The following PLD5 variants were observed in gnomAD, a reference collection of about 807,000 sequenced individuals.
The protein encoded by PLD5 is inactive phospholipase D5.
A neutral mutation model predicts 61.1 loss-of-function variants in PLD5; 36 were observed. The observed-to-expected ratio is 0.59, with a 90% CI of 0.45 to 0.78. The LOEUF is 0.78. PLD5 is among the 30% of genes least tolerant of loss of function. The pLI, the probability that PLD5 is intolerant of heterozygous loss-of-function variation, is 0.00. For missense variants in PLD5, 515 were observed against 644.4 expected, an observed-to-expected ratio of 0.80 and a Z score of 2.17; for synonymous variants, 243 against 242.8, an observed-to-expected ratio of 1.00 and a Z score of -0.01.
chr1:242,522,320 G>C (rs902760842), intron 1 of PLD5, among the ~76,000 whole-genome samples: 1 of 152,124 alleles, frequency 6.6e-6, no homozygotes, highest in Non-Finnish European at 1.5e-5. Flanking sequence ...CCTTTCCCTG[G>C]TCTCCAATCC....
chr1:242,524,450 C>T lies in PLD5; in HGVS notation c.-174G>A. The stretch of plus-strand genomic sequence containing the variant: ...GGGAGCGCGGGGTGCTGAGCGCCAG[C>T]TGGGAGCGCGGCCGGGCGGGAGGGG... On this transcript the variant is annotated 5_prime_UTR_variant, in exon 1 of 10. Coordinates refer to ENST00000536534, the MANE Select transcript of PLD5 (RefSeq NM_001372062.1). 1 of 496,174 alleles carries T rather than the reference C, an allele frequency of 2.0e-6. No individual in the cohort carries two copies. 30.7% of individuals were successfully genotyped at this position (496,174 alleles called of 1,614,324 possible). A position where few individuals can be genotyped will look rare whatever the true frequency, so the allele number is the denominator to read the frequency against.
At chr1:242,479,564 A>G (rs1323164001) in intron 1 of PLD5, among the ~76,000 whole-genome samples, 5 of 152,242 alleles carry the variant, frequency 3.3e-5, no homozygotes, top group Non-Finnish European at 7.3e-5. Context: ...GACATACTAT[A>G]TGGAGAGCAG....
At chr1:242,269,847 TA>T (rs71010420) in intron 3 of PLD5, among the ~76,000 whole-genome samples, 7 of 151,384 alleles carry the variant, frequency 4.6e-5, no homozygotes, top group South Asian at 2.1e-4. Flanking sequence ...AGAGAAAGGT[TA>T]AAAAAAAACT....
At chr1:242,295,786 C>A (rs1167817662) in intron 2 of PLD5, among the ~76,000 whole-genome samples, 1 of 152,220 alleles carries the variant, frequency 6.6e-6, no homozygotes, top group South Asian at 2.1e-4. Context: ...CTTTTCTCTA[C>A]ATCCATGCCA....
At chr1:242,141,301 G>T (rs939808893) in intron 5 of PLD5, among the ~76,000 whole-genome samples, 2 of 152,054 alleles carry the variant, frequency 1.3e-5, no homozygotes, top group Admixed American at 6.5e-5. Context: ...GCAACCACCC[G>T]CTGTAAAATG....
At chr1:242,102,336 C>T (rs1297466890) in intron 8 of PLD5, among the ~76,000 whole-genome samples, 8 of 152,262 alleles carry the variant, frequency 5.3e-5, no homozygotes, top group Middle Eastern at 3.4e-3. Flanking sequence ...AAGTCAAAGA[C>T]GGCCCTTAAG....
chr1:242,228,222 G>A (rs1357251490), intron 4 of PLD5, among the ~76,000 whole-genome samples: 1 of 152,150 alleles, frequency 6.6e-6, no homozygotes, highest in African/African-American at 2.4e-5. Flanking sequence ...ACCTACTCTT[G>A]AATTGATATA....
intron 5 of PLD5, among the ~76,000 whole-genome samples, chr1:242,171,357 G>A (rs1197320627): frequency 6.6e-6 from 1 of 152,132 alleles, no homozygotes; most frequent in Non-Finnish European, 1.5e-5. Context: ...TCACCACCAG[G>A]CCTGCCTTAC....
At chr1:242,529,778 T>TCTTCCCTCCTTC in the PLD5 span, among the ~76,000 whole-genome samples, 1 of 129,792 alleles carries the variant, frequency 7.7e-6, no homozygotes, top group African/African-American at 3.0e-5. Flanking sequence ...GGCACTGGGA[T>TCTTCCCTCCTTC]CTTCCTTCCT....
rs1016272874 is a variant in PLD5 at position 242,087,694 on chromosome 1, C to T, written c.*2160G>A. ...TCTTGGCCTCAAGCAATCCTCCTGC[C>T]TTGGCCTTCCAAAGCGCTGGGATGA... On this transcript the variant is annotated 3_prime_UTR_variant, in exon 10 of 10. Transcript: ENST00000536534. 2 of 152,380 alleles carry T rather than the reference C, an allele frequency of 1.3e-5. No individual in the cohort carries two copies. Among genetic ancestry groups the T allele is most frequent in the Non-Finnish European group, 2.9e-5 (2 of 68,096 alleles). 9.4% of individuals were successfully genotyped at this position (152,380 alleles called of 1,614,324 possible).
intron 1 of PLD5, among the ~76,000 whole-genome samples, chr1:242,440,698 CCA>C (rs980687460): frequency 2.6e-5 from 4 of 152,318 alleles, no homozygotes; most frequent in Admixed American, 1.3e-4. Context: ...AGAGACTCAT[CCA>C]CAGACTTCTC....
chr1:242,252,438 C>T (rs1672755399), intron 4 of PLD5, among the ~76,000 whole-genome samples: 1 of 152,194 alleles, frequency 6.6e-6, no homozygotes, highest in South Asian at 2.1e-4. Flanking sequence ...TCTAGCCAGT[C>T]ATGGTGGCCC....
intron 1 of PLD5, among the ~76,000 whole-genome samples, chr1:242,480,779 A>T (rs1667746079): frequency 6.6e-6 from 1 of 152,220 alleles, no homozygotes; most frequent in South Asian, 2.1e-4. Flanking sequence ...GGCAAATGCA[A>T]ATTAAAAACC....
chr1:242,411,579 T>G (rs1429185455), intron 1 of PLD5, among the ~76,000 whole-genome samples: 1 of 152,226 alleles, frequency 6.6e-6, no homozygotes, highest in African/African-American at 2.4e-5. Context: ...GAGTCTGAAT[T>G]TTAGCCCCTA....
intron 1 of PLD5, among the ~76,000 whole-genome samples, chr1:242,507,853 A>G (rs947400047): frequency 2.0e-5 from 3 of 152,230 alleles, no homozygotes; most frequent in Non-Finnish European, 4.4e-5. Context: ...GATTCAGAAT[A>G]GGTGCGAGGC....
At chr1:242,340,752 A>G (rs1659783650) in intron 2 of PLD5, among the ~76,000 whole-genome samples, 1 of 152,218 alleles carries the variant, frequency 6.6e-6, no homozygotes, top group Admixed American at 6.5e-5. Flanking sequence ...GCTCCTAAGT[A>G]TAGCCAGATT....
intron 2 of PLD5, among the ~76,000 whole-genome samples, chr1:242,332,023 A>C (rs2196825): frequency 3.3e-5 from 5 of 152,116 alleles, no homozygotes; most frequent in Admixed American, 1.3e-4. Flanking sequence ...TCTCCTAATG[A>C]TATCCCTCCC....
intron 1 of PLD5, among the ~76,000 whole-genome samples, chr1:242,374,696 G>T (rs1330156771): frequency 2.6e-5 from 4 of 152,160 alleles, no homozygotes; most frequent in Admixed American, 2.6e-4. Flanking sequence ...TACACAGAGA[G>T]GCCAAGAAGA....
At chr1:242,520,876 C>G (rs751173783) in intron 1 of PLD5, among the ~76,000 whole-genome samples, 3 of 152,120 alleles carry the variant, frequency 2.0e-5, no homozygotes, top group Non-Finnish European at 4.4e-5. Flanking sequence ...CTTTGCTGGA[C>G]CAGAATCCTT....
Sources: allele counts gnomAD v4.1 joint callset (sites outside exome capture counted in the v4.1 genomes callset), GRCh38; gene constraint gnomAD v4.1.1; transcripts MANE v1.5; gene names NCBI Gene and HGNC (gene_info 2026-07-23, HGNC 2026-07-21).